Variants in KLHL13 observed in about 807,000 individuals in gnomAD.
KLHL13 encodes kelch-like protein 13.
Under a neutral mutation model 37.1 loss-of-function variants are expected in KLHL13, and 10 were observed. The observed-to-expected ratio is 0.27, with a 90% CI of 0.17 to 0.46. KLHL13 has a LOEUF of 0.46. Ranked by LOEUF, KLHL13 falls within the 20% of genes least tolerant of loss-of-function variation. The pLI is 1.00. For synonymous variants in KLHL13, 163 were observed against 181.2 expected, an observed-to-expected ratio of 0.90 and a Z score of 0.81; for missense variants, 360 against 509.3, an observed-to-expected ratio of 0.71 and a Z score of 2.82.
chrX:118,069,497 T>C (rs770949217), intron 1 of KLHL13, among the ~76,000 whole-genome samples: 4 of 107,867 alleles, frequency 3.7e-5, no homozygotes, highest in African/African-American at 1.3e-4. Context: ...TTCACCATTA[T>C]ACAATATACC....
intron 1 of KLHL13, among the ~76,000 whole-genome samples, chrX:118,082,988 T>C (rs1426962378): frequency 8.9e-6 from 1 of 111,994 alleles, no homozygotes; most frequent in Non-Finnish European, 1.9e-5. Context: ...CCGTGCTGTT[T>C]TCCTTACTCA....
At chrX:117,979,380 A>G (rs2053633640) in intron 1 of KLHL13, among the ~76,000 whole-genome samples, 1 of 112,070 alleles carries the variant, frequency 8.9e-6, no homozygotes, top group African/African-American at 3.2e-5. Context: ...AAAAGAGGCC[A>G]TGCTATTACC....
intron 1 of KLHL13, among the ~76,000 whole-genome samples, chrX:118,000,001 T>C (rs901456634): frequency 8.9e-6 from 1 of 112,237 alleles, no homozygotes; most frequent in African/African-American, 3.2e-5. Context: ...TTATTTTATA[T>C]GCTAATGTGA....
At chrX:117,898,841 GAA>G in exon 7 of KLHL13, 1 of 1,089,996 alleles carries the variant, frequency 9.2e-7, no homozygotes, top group Non-Finnish European at 1.2e-6. Flanking sequence ...ACTTAAGGGG[GAA>G]AAAGAAGAGA....
chrX:117,965,086 C>G (rs2053395150), intron 1 of KLHL13, among the ~76,000 whole-genome samples: 1 of 111,820 alleles, frequency 8.9e-6, no homozygotes, highest in Non-Finnish European at 1.9e-5. Flanking sequence ...AAATTATAAT[C>G]CTTTGGGTAT....
At chrX:118,093,952 C>T (rs1369893290) in intron 1 of KLHL13, among the ~76,000 whole-genome samples, 2 of 109,501 alleles carry the variant, frequency 1.8e-5, no homozygotes, top group Non-Finnish European at 3.8e-5. Flanking sequence ...GTGAGCGACA[C>T]AGAAGACGGG....
At chrX:117,903,175 A>AGAGC (rs1309543387) in intron 5 of KLHL13, among the ~76,000 whole-genome samples, 1 of 96,686 alleles carries the variant, frequency 1.0e-5, no homozygotes, top group Non-Finnish European at 2.0e-5. Context: ...GAGAGAGAGG[A>AGAGC]GAGCGAGAGA....
intron 1 of KLHL13, among the ~76,000 whole-genome samples, chrX:117,972,183 C>T (rs192715001): frequency 3.5e-3 from 390 of 112,113 alleles, no homozygotes; most frequent in African/African-American, 0.012. Flanking sequence ...TTCAAACTTA[C>T]ACTTCAGAAC....
chrX:118,094,603 T>C (rs1395677088), intron 1 of KLHL13, among the ~76,000 whole-genome samples: 2 of 106,054 alleles, frequency 1.9e-5, no homozygotes, highest in African/African-American at 3.5e-5. Flanking sequence ...TTCACCAAAG[T>C]TGAAATGAAG....
intron 1 of KLHL13, among the ~76,000 whole-genome samples, chrX:117,961,561 G>T (rs191889939): frequency 9.0e-6 from 1 of 111,587 alleles, no homozygotes; most frequent in African/African-American, 3.3e-5. Flanking sequence ...GAAATGGGGC[G>T]TGTCTTGTTT....
chrX:117,978,102 T>C (rs1194981214), upstream of KLHL13, among the ~76,000 whole-genome samples: 3 of 112,377 alleles, frequency 2.7e-5, no homozygotes, highest in Admixed American at 9.5e-5. Flanking sequence ...ACATTAGAAA[T>C]TTCTTTAACA....
intron 1 of KLHL13, among the ~76,000 whole-genome samples, chrX:118,018,547 C>G (rs901529547): frequency 5.4e-5 from 6 of 111,431 alleles, no homozygotes; most frequent in African/African-American, 1.6e-4. Flanking sequence ...TTTGCTTTGC[C>G]AAATTTTTAA....
rs186821870 is a variant in KLHL13 at position 117,965,344 on chromosome X, A to G, written c.98+7387T>C. Among the ~76,000 whole-genome samples, 648 of 111,985 alleles carry G rather than the reference A, an allele frequency of 5.8e-3. 7 individuals carry two copies. Among genetic ancestry groups the G allele is most frequent in the African/African-American group, 0.02 (622 of 30,806 alleles). ...TGCATTTCTCTGATGGCCAGTGATGATGAGCATTTTTTCATGTGTCTTTTG... is the reference window on the plus strand; with the variant it reads ...TGCATTTCTCTGATGGCCAGTGATGGTGAGCATTTTTTCATGTGTCTTTTG... On this transcript the variant is annotated intron_variant, in intron 1 of 6. Transcript: ENST00000262820.
chrX:117,941,330 T>G (rs777617693), intron 2 of KLHL13, among the ~76,000 whole-genome samples: 1 of 112,044 alleles, frequency 8.9e-6, no homozygotes, highest in Non-Finnish European at 1.9e-5. Context: ...GGTTTTGGTA[T>G]CAGGATGATG....
chrX:117,988,385 T>C (rs1251719530), intron 1 of KLHL13, among the ~76,000 whole-genome samples: 1 of 111,951 alleles, frequency 8.9e-6, no homozygotes, highest in African/African-American at 3.2e-5. Context: ...TTTCTTCTGA[T>C]GTATGTAAGA....
chrX:117,897,844 G>T (rs1929832500), exon 7 of KLHL13: 1 of 111,943 alleles, frequency 8.9e-6, no homozygotes, highest in South Asian at 3.7e-4. Flanking sequence ...AACAAAAAAA[G>T]ATAAAACATG....
At chrX:117,910,851 G>A (rs903166472) in intron 4 of KLHL13, among the ~76,000 whole-genome samples, 2 of 110,892 alleles carry the variant, frequency 1.8e-5, no homozygotes, top group African/African-American at 6.6e-5. Context: ...CTTACTTTCA[G>A]CACATTCTGT....
At chrX:118,071,442 T>C (rs1440087751) in intron 1 of KLHL13, among the ~76,000 whole-genome samples, 3 of 111,723 alleles carry the variant, frequency 2.7e-5, no homozygotes, top group African/African-American at 6.5e-5. Context: ...TTTTAATGAT[T>C]GCCATTCTAA....
intron 1 of KLHL13, among the ~76,000 whole-genome samples, chrX:118,031,984 C>G (rs6645433): frequency 0.16 from 17,185 of 109,900 alleles, 1,812 homozygotes; most frequent in African/African-American, 0.38. Context: ...GGTGACAGAC[C>G]GCACCTAGAA....
Sources: allele counts gnomAD v4.1 joint callset (sites outside exome capture counted in the v4.1 genomes callset), GRCh38; gene constraint gnomAD v4.1.1; transcripts MANE v1.5; gene names NCBI Gene and HGNC (gene_info 2026-07-23, HGNC 2026-07-21).